The following MAGI2 variants were observed in gnomAD, a reference collection of about 807,000 sequenced individuals.
MAGI2 encodes membrane-associated guanylate kinase, WW and PDZ domain-containing protein 2.
A neutral mutation model predicts 133.3 loss-of-function variants in MAGI2; 35 were observed. The ratio of observed to expected loss-of-function variants is 0.26; its 90% CI spans 0.20 to 0.35. The LOEUF is 0.35. Among genes scored for constraint, MAGI2 ranks in the 10% least tolerant of loss-of-function variants. MAGI2 has a pLI of 1.00. For synonymous variants in MAGI2, 729 were observed against 710.6 expected (o/e 1.03, Z -0.41); for missense variants, 1,636 against 1,863.4 (o/e 0.88, Z 2.25).
At chr7:78,449,759 A>G (rs777732213) in intron 6 of MAGI2, among the ~76,000 whole-genome samples, 42 of 152,200 alleles carry the variant, frequency 2.8e-4, no homozygotes, top group Admixed American at 7.2e-4. Flanking sequence ...AAATATAACA[A>G]TTGGTAAGAG....
At chr7:78,805,842 G>A (rs1262449653) in intron 2 of MAGI2, among the ~76,000 whole-genome samples, 3 of 152,126 alleles carry the variant, frequency 2.0e-5, no homozygotes, top group African/African-American at 7.2e-5. Context: ...ATGATGATGA[G>A]TGAGCCACCT....
intron 1 of MAGI2, among the ~76,000 whole-genome samples, chr7:79,207,221 G>A (rs1562995242): frequency 1.3e-5 from 2 of 152,018 alleles, no homozygotes; most frequent in East Asian, 3.9e-4. Flanking sequence ...TCTAGGCAGA[G>A]CAATTAGGCA....
At chr7:78,161,866 G>T (rs79538864) in intron 15 of MAGI2, among the ~76,000 whole-genome samples, 1 of 152,092 alleles carries the variant, frequency 6.6e-6, no homozygotes, top group Non-Finnish European at 1.5e-5. Context: ...TAAAGGAAAA[G>T]ATGGATGCTT....
intron 3 of MAGI2, among the ~76,000 whole-genome samples, chr7:78,594,716 A>G (rs1389037879): frequency 2.0e-5 from 3 of 152,146 alleles, no homozygotes; most frequent in African/African-American, 7.2e-5. Flanking sequence ...TCGGCCTCCC[A>G]AAGTGTTGGG....
At chr7:78,555,133 GAAATAAAT>G (rs199696275) in intron 3 of MAGI2, among the ~76,000 whole-genome samples, 31 of 130,156 alleles carry the variant, frequency 2.4e-4, no homozygotes, top group African/African-American at 7.4e-4. Context: ...GGCACTGTCA[GAAATAAAT>G]AAATAAATAA....
At chr7:78,714,472 C>T (rs1176680197) in intron 2 of MAGI2, among the ~76,000 whole-genome samples, 11 of 152,074 alleles carry the variant, frequency 7.2e-5, no homozygotes, top group Admixed American at 7.2e-4. Context: ...GTGTGTTCTC[C>T]CCCACCTTCC....
chr7:79,412,451 G>A (rs1432982359), intron 1 of MAGI2: 3 of 152,086 alleles, frequency 2.0e-5, no homozygotes, highest in Non-Finnish European at 4.4e-5. Context: ...GCTATATTTT[G>A]CTGTGATGCT....
chr7:78,907,687 A>G (rs1309001607), intron 2 of MAGI2, among the ~76,000 whole-genome samples: 1 of 152,082 alleles, frequency 6.6e-6, no homozygotes. Flanking sequence ...AAGTATATTC[A>G]TTTACCTGAC....
intron 2 of MAGI2, among the ~76,000 whole-genome samples, chr7:78,711,244 C>A (rs1819156053): frequency 6.6e-6 from 1 of 151,946 alleles, no homozygotes; most frequent in Non-Finnish European, 1.5e-5. Flanking sequence ...AGCATGAGCC[C>A]CCTACTAGGT....
chr7:79,027,759 A>G (rs1385365288), intron 1 of MAGI2, among the ~76,000 whole-genome samples: 1 of 152,156 alleles, frequency 6.6e-6, no homozygotes, highest in African/African-American at 2.4e-5. Flanking sequence ...GTATTAATAA[A>G]TCATAGCATC....
At chr7:78,596,138 G>A (rs1804571905) in intron 3 of MAGI2, among the ~76,000 whole-genome samples, 1 of 133,604 alleles carries the variant, frequency 7.5e-6, no homozygotes, top group Non-Finnish European at 1.5e-5. Context: ...AGGAAGGAGG[G>A]AAAGAATGAA....
At chr7:79,111,314 A>T (rs1472175103) in intron 1 of MAGI2, among the ~76,000 whole-genome samples, 2 of 152,160 alleles carry the variant, frequency 1.3e-5, no homozygotes, top group Non-Finnish European at 2.9e-5. Flanking sequence ...GCTTATCCAA[A>T]TTGTGTTCTC....
chr7:78,687,616 T>A (rs754298153), intron 2 of MAGI2, among the ~76,000 whole-genome samples: 11 of 152,112 alleles, frequency 7.2e-5, no homozygotes, highest in Non-Finnish European at 1.2e-4. Flanking sequence ...TTTAAAAGGT[T>A]GCCATGACAT....
intron 1 of MAGI2, chr7:79,413,860 G>T (rs1215661840): frequency 2.0e-5 from 3 of 152,006 alleles, no homozygotes; most frequent in Non-Finnish European, 4.4e-5. Flanking sequence ...AATACTCCGG[G>T]TCTGCATCTA....
At chr7:78,864,604 C>T (rs534697684) in intron 2 of MAGI2, among the ~76,000 whole-genome samples, 1 of 152,284 alleles carries the variant, frequency 6.6e-6, no homozygotes, top group South Asian at 2.1e-4. Flanking sequence ...CATTTTCTGT[C>T]TGGCTCAGAA....
chr7:79,321,777 T>C (rs1478254632), intron 1 of MAGI2, among the ~76,000 whole-genome samples: 4 of 152,182 alleles, frequency 2.6e-5, no homozygotes, highest in Non-Finnish European at 5.9e-5. Flanking sequence ...ACTAGAGAGC[T>C]AACATTTCCT....
At chr7:79,429,234 T>C (rs1173356419) in intron 1 of MAGI2, among the ~76,000 whole-genome samples, 1 of 152,152 alleles carries the variant, frequency 6.6e-6, no homozygotes, top group Non-Finnish European at 1.5e-5. Flanking sequence ...TAATAAATCT[T>C]GAACAAAAAT....
intron 2 of MAGI2, among the ~76,000 whole-genome samples, chr7:78,991,423 C>T (rs950935968): frequency 2.0e-5 from 3 of 151,502 alleles, no homozygotes; most frequent in Non-Finnish European, 4.4e-5. Flanking sequence ...CATATATAAA[C>T]ATATATACTA....
intron 1 of MAGI2, among the ~76,000 whole-genome samples, chr7:79,221,546 T>C (rs1029093136): frequency 1.3e-4 from 20 of 152,006 alleles, no homozygotes; most frequent in African/African-American, 4.6e-4. Flanking sequence ...TTACTGTTTT[T>C]TGAGTGAAGC....
Sources: allele counts gnomAD v4.1 joint callset (sites outside exome capture counted in the v4.1 genomes callset), GRCh38; gene constraint gnomAD v4.1.1; transcripts MANE v1.5; gene names NCBI Gene and HGNC (gene_info 2026-07-23, HGNC 2026-07-21).